Variants in CRPPA observed in about 807,000 individuals in gnomAD.
CRPPA encodes CDP-L-ribitol pyrophosphorylase A.
In CRPPA, 43 loss-of-function variants were observed where a neutral mutation model predicts 52.0. The ratio of observed to expected loss-of-function variants is 0.83; its 90% CI spans 0.65 to 1.07. The LOEUF (loss-of-function observed/expected upper bound fraction) is 1.07. Ranked by LOEUF, CRPPA falls within the 50% of genes least tolerant of loss-of-function variation. The pLI, the probability that CRPPA is intolerant of heterozygous loss-of-function variation, is 0.00. For synonymous variants in CRPPA, 250 were observed against 203.5 expected (o/e 1.23, Z -1.94); for missense variants, 629 against 551.7 (o/e 1.14, Z -1.40).
chr7:16,151,121 A>G (rs1783069058), intron 9 of CRPPA, among the ~76,000 whole-genome samples: 1 of 152,196 alleles, frequency 6.6e-6, no homozygotes, highest in South Asian at 2.1e-4. Flanking sequence ...CACCAGTAGG[A>G]TTCACTGGTA....
chr7:16,417,559 A>T (rs1370051969), intron 1 of CRPPA, among the ~76,000 whole-genome samples: 1 of 152,216 alleles, frequency 6.6e-6, no homozygotes, highest in Non-Finnish European at 1.5e-5. Context: ...AATTACCACA[A>T]GTTCTCCTAA....
chr7:16,282,062 T>C (rs140356426), intron 5 of CRPPA, among the ~76,000 whole-genome samples: 4 of 152,294 alleles, frequency 2.6e-5, no homozygotes, highest in African/African-American at 9.6e-5. Context: ...CTTAACATTT[T>C]CTTCAGTATT....
At chr7:16,190,297 T>C (rs1468930999) in intron 9 of CRPPA, among the ~76,000 whole-genome samples, 1 of 152,188 alleles carries the variant, frequency 6.6e-6, no homozygotes, top group Admixed American at 6.5e-5. Context: ...TAACTTTTAA[T>C]AGAAGACAGT....
chr7:16,400,631 G>C (rs546901625), intron 2 of CRPPA, among the ~76,000 whole-genome samples: 1 of 152,118 alleles, frequency 6.6e-6, no homozygotes, highest in Non-Finnish European at 1.5e-5. Flanking sequence ...TGATGTGATC[G>C]AGTCATTTTT....
intron 2 of CRPPA, among the ~76,000 whole-genome samples, chr7:16,387,286 G>A (rs1207189400): frequency 6.6e-6 from 1 of 151,440 alleles, no homozygotes; most frequent in Non-Finnish European, 1.5e-5. Flanking sequence ...GAACAAAAAA[G>A]AGGAAAATAG....
At position 16,329,856 on chromosome 7, in the gene CRPPA, G is replaced by A. The variant is rs116683655; in HGVS notation, c.685-21229C>T. Reference sequence around the variant, plus strand: ...AGGAAAAGAATAGAGGAACCATGATGTTGGTCACAACTAAAAAGAATACTA... The same window carrying A: ...AGGAAAAGAATAGAGGAACCATGATATTGGTCACAACTAAAAAGAATACTA... On this transcript the variant is annotated intron_variant, in intron 3 of 9. Coordinates refer to ENST00000407010, the MANE Select transcript of CRPPA (RefSeq NM_001101426.4). Among the ~76,000 whole-genome samples the A allele has an allele frequency of 6.6e-3, 1,003 of 152,296 alleles. 11 individuals carry two copies. The highest frequency in any genetic ancestry group is 0.023 in the African/African-American group (956 of 41,568).
At chr7:16,375,419 T>A (rs986987470) in intron 3 of CRPPA, among the ~76,000 whole-genome samples, 1 of 152,206 alleles carries the variant, frequency 6.6e-6, no homozygotes, top group Non-Finnish European at 1.5e-5. Flanking sequence ...TACAGCAGCA[T>A]TTCCAAAACA....
chr7:16,241,191 T>A (rs1783097179), intron 8 of CRPPA, among the ~76,000 whole-genome samples: 1 of 152,074 alleles, frequency 6.6e-6, no homozygotes, highest in Non-Finnish European at 1.5e-5. Context: ...ATGACTTTCT[T>A]TTCTTTTCTT....
At chr7:16,285,692 A>G (rs992864237) in intron 5 of CRPPA, among the ~76,000 whole-genome samples, 1 of 151,946 alleles carries the variant, frequency 6.6e-6, no homozygotes, top group African/African-American at 2.4e-5. Context: ...ATGTCTGAGA[A>G]CCTCTAAATG....
chr7:16,355,328 C>A (rs1009195092), intron 3 of CRPPA, among the ~76,000 whole-genome samples: 1 of 152,142 alleles, frequency 6.6e-6, no homozygotes, highest in Non-Finnish European at 1.5e-5. Context: ...TTAAAAGCAA[C>A]TGTTTCTTCT....
chr7:16,384,057 T>C (rs1018094927), intron 2 of CRPPA, among the ~76,000 whole-genome samples: 2 of 152,112 alleles, frequency 1.3e-5, no homozygotes, highest in African/African-American at 2.4e-5. Flanking sequence ...GTACCTCAGA[T>C]GGAAATGCAG....
At chr7:16,342,982 G>C (rs7787308) in intron 3 of CRPPA, among the ~76,000 whole-genome samples, 1 of 150,384 alleles carries the variant, frequency 6.6e-6, no homozygotes, top group African/African-American at 2.4e-5. Context: ...AGAAGTTGCA[G>C]TAAGCCAAGA....
chr7:16,331,912 G>A (rs1441518370), intron 3 of CRPPA, among the ~76,000 whole-genome samples: 3 of 152,100 alleles, frequency 2.0e-5, no homozygotes, highest in African/African-American at 7.2e-5. Context: ...ATTAACTGAA[G>A]AAATATTTGA....
chr7:16,112,099 G>A (rs1782276540), intron 9 of CRPPA, among the ~76,000 whole-genome samples: 1 of 152,126 alleles, frequency 6.6e-6, no homozygotes, highest in East Asian at 1.9e-4. Context: ...AAGATTGCCT[G>A]AGCTCAGGGG....
chr7:16,149,494 T>A (rs1180407167), intron 9 of CRPPA, among the ~76,000 whole-genome samples: 3 of 152,158 alleles, frequency 2.0e-5, no homozygotes, highest in African/African-American at 7.2e-5. Context: ...TCTGAGAAAT[T>A]CTAACAATAC....
At chr7:16,275,258 G>A (rs576651121) in intron 6 of CRPPA, among the ~76,000 whole-genome samples, 1 of 152,282 alleles carries the variant, frequency 6.6e-6, no homozygotes, top group South Asian at 2.1e-4. Flanking sequence ...ACAGAAACTA[G>A]GAGAAGCCTT....
At chr7:16,235,063 T>C (rs1207049151) in intron 8 of CRPPA, among the ~76,000 whole-genome samples, 1 of 152,038 alleles carries the variant, frequency 6.6e-6, no homozygotes, top group Non-Finnish European at 1.5e-5. Flanking sequence ...CTTTATGATC[T>C]GAGTTTTGTC....
intron 8 of CRPPA, among the ~76,000 whole-genome samples, chr7:16,255,858 A>C (rs557183192): frequency 1.3e-5 from 2 of 152,324 alleles, no homozygotes; most frequent in African/African-American, 4.8e-5. Flanking sequence ...AAACCTAAGC[A>C]ATACCATTCA....
chr7:16,129,674 G>A (rs1782646249), intron 9 of CRPPA, among the ~76,000 whole-genome samples: 1 of 152,098 alleles, frequency 6.6e-6, no homozygotes, highest in African/African-American at 2.4e-5. Flanking sequence ...CAAGGAGAGG[G>A]GAGCTAAGCA....
Sources: gnomAD v4.1 joint callset for allele counts (sites outside exome capture counted in the v4.1 genomes callset) on GRCh38, gnomAD v4.1.1 for gene constraint, MANE v1.5 for transcripts, NCBI Gene and HGNC (gene_info 2026-07-23, HGNC 2026-07-21) for gene names.